NFE2L3: variants seen among roughly 807,000 people sequenced by gnomAD.
The protein encoded by NFE2L3 is nuclear factor erythroid 2-related factor 3.
In NFE2L3, 18 loss-of-function variants were observed where a neutral mutation model predicts 23.5. The observed-to-expected ratio is 0.77, with a 90% CI of 0.53 to 1.13. The LOEUF (loss-of-function observed/expected upper bound fraction) is 1.13. Among genes scored for constraint, NFE2L3 ranks in the 50% most tolerant of loss-of-function variants. The probability of loss-of-function intolerance (pLI) is 0.00; values close to 1 mark genes in which losing one functional copy is unlikely to be tolerated. For synonymous variants in NFE2L3, 424 were observed against 354.5 expected (o/e 1.20, Z -2.20); for missense variants, 1,152 against 877.2 (o/e 1.31, Z -3.96).
intron 1 of NFE2L3, among the ~76,000 whole-genome samples, chr7:26,161,075 A>G (rs1256259227): frequency 6.6e-6 from 1 of 152,192 alleles, no homozygotes; most frequent in Non-Finnish European, 1.5e-5. Context: ...AAATTACCAA[A>G]GACTGGAATC....
At chr7:26,170,804 A>G (rs1784320457) in intron 1 of NFE2L3, among the ~76,000 whole-genome samples, 1 of 152,156 alleles carries the variant, frequency 6.6e-6, no homozygotes, top group Non-Finnish European at 1.5e-5. Flanking sequence ...GGCCTGCATG[A>G]CTCAGTCCTT....
At chr7:26,164,711 T>G (rs894103355) in intron 1 of NFE2L3, among the ~76,000 whole-genome samples, 10 of 152,252 alleles carry the variant, frequency 6.6e-5, no homozygotes, top group African/African-American at 2.4e-4. Flanking sequence ...TTTTGGTGTT[T>G]TAGACATGAA....
intron 1 of NFE2L3, among the ~76,000 whole-genome samples, chr7:26,172,313 AC>A (rs1784339254): frequency 6.6e-6 from 1 of 152,192 alleles, no homozygotes; most frequent in African/African-American, 2.4e-5. Context: ...GCATATATAT[AC>A]CCTTTACCCA....
intron 1 of NFE2L3, among the ~76,000 whole-genome samples, chr7:26,160,361 G>A (rs1424762425): frequency 6.6e-6 from 1 of 152,232 alleles, no homozygotes; most frequent in Non-Finnish European, 1.5e-5. Context: ...GTGGTTGGCA[G>A]AATGTGGGCA....
At position 26,153,061 on chromosome 7, in the gene NFE2L3, C is replaced by T. The variant is rs1583923113; in HGVS notation, c.563C>T (p.Ala188Val). ...CAGGTGCCGGACGCTGGCGGATGTGCGAGCGAGGTAGGTGCAGAGCGGGAA... is the reference window on the plus strand; with the variant it reads ...CAGGTGCCGGACGCTGGCGGATGTGTGAGCGAGGTAGGTGCAGAGCGGGAA... ...TAQVPDAGGC[A>V]SEENGVLREK... The change falls in exon 1 of 4, where the codon GCG (alanine) becomes GTG (valine). Residue 188 changes from alanine to valine, a missense_variant. Physicochemically the swap from Ala to Val is moderately conservative, Grantham distance 64. Coordinates refer to ENST00000056233, the MANE Select transcript of NFE2L3 (RefSeq NM_004289.7). The T allele has an allele frequency of 6.6e-7, 1 of 1,525,948 alleles. No homozygotes were observed. The highest frequency in any genetic ancestry group is 8.8e-7 in the Non-Finnish European group (1 of 1,140,302). 94.5% of individuals were successfully genotyped at this position (1,525,948 alleles called of 1,614,324 possible).
chr7:26,155,899 T>A (rs1011194125), intron 1 of NFE2L3, among the ~76,000 whole-genome samples: 1 of 152,126 alleles, frequency 6.6e-6, no homozygotes, highest in African/African-American at 2.4e-5. Flanking sequence ...GTGTGCTGAT[T>A]AAGTGGGAAA....
At chr7:26,180,602 A>C (rs1051232256) in intron 2 of NFE2L3, among the ~76,000 whole-genome samples, 4 of 152,188 alleles carry the variant, frequency 2.6e-5, no homozygotes, top group African/African-American at 9.7e-5. Context: ...TGTTTTCACT[A>C]GTCTTTCACT....
rs139808148 is a variant in NFE2L3, at chr7:26,185,403, T to C, written c.1705T>C (p.Tyr569His). The C allele has an allele frequency of 2.2e-5, 35 of 1,613,998 alleles. No individual in the cohort carries two copies. The highest frequency in any genetic ancestry group is 3.3e-5 in the Admixed American group (2 of 60,000). ...VDSFNSMLSR[Y>H]YLTDLQVSLI... ...TTCTTTCAATAGCATGTTAAGTAGA[T>C]ATTATCTGACAGACCTACAAGTCTC... Residue 569 changes from tyrosine (Y) to histidine (H), a missense_variant, in exon 4 of 4, where the codon TAT (tyrosine) becomes CAT (histidine). Tyr to His is a moderately conservative substitution (Grantham distance 83). Transcript: ENST00000056233.
At chr7:26,160,094 C>A (rs1326143937) in intron 1 of NFE2L3, among the ~76,000 whole-genome samples, 1 of 151,940 alleles carries the variant, frequency 6.6e-6, no homozygotes, top group East Asian at 1.9e-4. Context: ...GCTGGGATCA[C>A]AAGCATGCAC....
chr7:26,183,851 C>A (rs778659348), intron 3 of NFE2L3, 67 bp downstream of exon 3: 11 of 1,009,580 alleles, frequency 1.1e-5, no homozygotes, highest in Non-Finnish European at 1.7e-5. Flanking sequence ...TGAACAAATA[C>A]AACTCCTTTA....
At chr7:26,176,048 G>C (rs1784399581) in intron 1 of NFE2L3, among the ~76,000 whole-genome samples, 1 of 151,564 alleles carries the variant, frequency 6.6e-6, no homozygotes, top group Non-Finnish European at 1.5e-5. Context: ...TGAGATTAGG[G>C]AGTGGTGATG....
intron 1 of NFE2L3, 47 bp from the exon 2 acceptor site, chr7:26,177,896 G>T (rs776807891): frequency 6.5e-7 from 1 of 1,544,756 alleles, no homozygotes; most frequent in African/African-American, 1.4e-5. Context: ...GCACAATGCA[G>T]TTTTAAAGAC....
rs1782487029 is a variant in NFE2L3, at chr7:26,186,338, C to T, written c.*555C>T. 1 of 151,990 alleles carries T rather than the reference C, an allele frequency of 6.6e-6. No homozygotes were observed. Among genetic ancestry groups the T allele is most frequent in the African/African-American group, 2.4e-5 (1 of 41,432 alleles). The allele number at this position is 151,990 out of a possible 1,614,324, so 9.4% of individuals were successfully genotyped here. Reference sequence around the variant, plus strand: ...CAGAATCTGAACCAAATTTACCTTACTTTCCTTCCAAAATATCCACATTCA... The same window carrying T: ...CAGAATCTGAACCAAATTTACCTTATTTTCCTTCCAAAATATCCACATTCA... On this transcript the variant is annotated 3_prime_UTR_variant, in exon 4 of 4. Coordinates refer to ENST00000056233, the MANE Select transcript of NFE2L3 (RefSeq NM_004289.7).
intron 3 of NFE2L3, chr7:26,183,990 A>AT (rs1782407092): frequency 3.8e-6 from 2 of 524,826 alleles, no homozygotes; most frequent in Non-Finnish European, 6.7e-6. Flanking sequence ...TAGACTAGTC[A>AT]TGGAAAACAG....
intron 1 of NFE2L3, chr7:26,174,770 G>A (rs1406815117): frequency 2.0e-5 from 3 of 152,188 alleles, no homozygotes; most frequent in African/African-American, 7.2e-5. Flanking sequence ...GGATGTGCCA[G>A]TGTGTCCTGT....
chr7:26,181,467 C>A (rs777792016), intron 2 of NFE2L3, among the ~76,000 whole-genome samples: 1 of 152,170 alleles, frequency 6.6e-6, no homozygotes, highest in Admixed American at 6.5e-5. Flanking sequence ...TTCTAGCTAC[C>A]CTTTAGAAAT....
At chr7:26,171,549 G>GAA (rs1272593823) in intron 1 of NFE2L3, among the ~76,000 whole-genome samples, 3 of 102,530 alleles carry the variant, frequency 2.9e-5, no homozygotes, top group Non-Finnish European at 4.2e-5. Flanking sequence ...CTTCTGAAAA[G>GAA]AAAAAAAAAA....
At chr7:26,179,596 T>C (rs1176914516) in intron 2 of NFE2L3, among the ~76,000 whole-genome samples, 1 of 151,992 alleles carries the variant, frequency 6.6e-6, no homozygotes, top group Non-Finnish European at 1.5e-5. Flanking sequence ...GTCCCAGCTG[T>C]TTGGCAGGCT....
chr7:26,164,670 CA>C (rs1418226252), intron 1 of NFE2L3, among the ~76,000 whole-genome samples: 1 of 152,190 alleles, frequency 6.6e-6, no homozygotes, highest in Non-Finnish European at 1.5e-5. Context: ...AATTAGATCC[CA>C]TTTGTCAATT....
Sources: gnomAD v4.1 joint callset for allele counts (sites outside exome capture counted in the v4.1 genomes callset) on GRCh38, gnomAD v4.1.1 for gene constraint, MANE v1.5 for transcripts, NCBI Gene and HGNC (gene_info 2026-07-23, HGNC 2026-07-21) for gene names.